The following NEK11 variants were observed in gnomAD, a reference collection of about 807,000 sequenced individuals.
The protein encoded by NEK11 is serine/threonine-protein kinase Nek11.
In NEK11, 72 loss-of-function variants were observed where a neutral mutation model predicts 80.7. That is an observed-to-expected ratio of 0.89 (90% CI 0.74 to 1.08). The LOEUF (loss-of-function observed/expected upper bound fraction) is 1.08. Among genes scored for constraint, NEK11 ranks in the 50% least tolerant of loss-of-function variants. NEK11 has a pLI of 0.00. For missense variants in NEK11, 764 were observed against 763.6 expected (o/e 1.00, Z -0.01); for synonymous variants, 251 against 260.7 (o/e 0.96, Z 0.36).
chr3:131,264,932 C>T (rs577875059), intron 16 of NEK11, among the ~76,000 whole-genome samples: 92 of 152,290 alleles, frequency 6.0e-4, no homozygotes, highest in African/African-American at 2.0e-3. Flanking sequence ...TCCTTCACAT[C>T]CCTTGAAAGT....
intron 16 of NEK11, among the ~76,000 whole-genome samples, chr3:131,246,504 A>G (rs749703177): frequency 7.9e-5 from 12 of 152,050 alleles, no homozygotes; most frequent in Non-Finnish European, 1.5e-4. Flanking sequence ...CATTTTCTTT[A>G]TCCACTCATT....
At chr3:131,097,645 T>G (rs78960355) in intron 4 of NEK11, among the ~76,000 whole-genome samples, 1 of 151,994 alleles carries the variant, frequency 6.6e-6, no homozygotes, top group Non-Finnish European at 1.5e-5. Flanking sequence ...CACTGCTCAA[T>G]GAAATAAAAG....
At position 131,133,289 on chromosome 3, in the gene NEK11, C is replaced by A. The variant is rs142834653; in HGVS notation, c.520+480C>A. On this transcript the variant is annotated intron_variant, in intron 6 of 17. Coordinates refer to ENST00000383366, the MANE Select transcript of NEK11 (RefSeq NM_024800.5). ...CTCCTCATAACAGCTACTGGATCATCTAATCATCATATAGGGTGTACTTGG... is the reference window on the plus strand; with the variant it reads ...CTCCTCATAACAGCTACTGGATCATATAATCATCATATAGGGTGTACTTGG... The A allele has an allele frequency of 9.0e-4, 411 of 455,442 alleles. 1 individual carries two copies. Among genetic ancestry groups the A allele is most frequent in the African/African-American group, 7.4e-3 (369 of 50,110 alleles). 28.2% of individuals were successfully genotyped at this position (455,442 alleles called of 1,614,324 possible). A position where few individuals can be genotyped will look rare whatever the true frequency, so the allele number is the denominator to read the frequency against.
At chr3:131,289,086 G>A (rs773319923) in intron 17 of NEK11, among the ~76,000 whole-genome samples, 1 of 152,148 alleles carries the variant, frequency 6.6e-6, no homozygotes, top group Non-Finnish European at 1.5e-5. Context: ...TATATTTTCT[G>A]ACAGTTTTGA....
intron 14 of NEK11, among the ~76,000 whole-genome samples, chr3:131,220,220 G>A (rs1051962729): frequency 6.6e-6 from 1 of 152,072 alleles, no homozygotes; most frequent in South Asian, 2.1e-4. Flanking sequence ...ATGTCTGTGT[G>A]TCTTCTCAAA....
rs557129915 is a variant in NEK11 at position 131,094,815 on chromosome 3, G to A, written c.336+14227G>A. 1.3e-3 allele frequency among the ~76,000 whole-genome samples: 199 copies of A among 152,254 alleles called. 2 individuals carry two copies. The highest frequency in any genetic ancestry group is 2.2e-3 in the Non-Finnish European group (147 of 68,028). On this transcript the variant is annotated intron_variant, in intron 4 of 17. Coordinates refer to ENST00000383366, the MANE Select transcript of NEK11 (RefSeq NM_024800.5). Reference sequence around the variant, plus strand: ...TTTTATTGTCTTGTCAAAATTATGGGTTTGACAAACCAGACAGTGGTTATA... The same window carrying A: ...TTTTATTGTCTTGTCAAAATTATGGATTTGACAAACCAGACAGTGGTTATA...
At chr3:131,286,612 C>A (rs1435060221) in intron 17 of NEK11, among the ~76,000 whole-genome samples, 1 of 152,158 alleles carries the variant, frequency 6.6e-6, no homozygotes. Context: ...CCAGGTACTA[C>A]AGGCTAAGCA....
intron 3 of NEK11, among the ~76,000 whole-genome samples, chr3:131,043,325 A>T (rs2109748452): frequency 6.6e-6 from 1 of 152,322 alleles, no homozygotes; most frequent in African/African-American, 2.4e-5. Flanking sequence ...GAGCTAAAGG[A>T]GCGTGTTCTA....
chr3:131,104,712 T>C (rs546942074), intron 4 of NEK11, among the ~76,000 whole-genome samples: 2 of 152,276 alleles, frequency 1.3e-5, no homozygotes, highest in South Asian at 4.1e-4. Context: ...TGTAGGGCTA[T>C]GGCAGCTGGC....
intron 14 of NEK11, among the ~76,000 whole-genome samples, chr3:131,192,156 T>C (rs1013179193): frequency 6.6e-6 from 1 of 152,084 alleles, no homozygotes; most frequent in African/African-American, 2.4e-5. Context: ...CCAAAGAAGA[T>C]ATACAGATGG....
chr3:131,295,048 T>C (rs2096579603), intron 17 of NEK11, among the ~76,000 whole-genome samples: 1 of 152,204 alleles, frequency 6.6e-6, no homozygotes, highest in Non-Finnish European at 1.5e-5. Flanking sequence ...TTTCTGTCTT[T>C]TAATTGGTAC....
chr3:131,229,106 T>C (rs1485355492), intron 15 of NEK11, among the ~76,000 whole-genome samples: 1 of 152,202 alleles, frequency 6.6e-6, no homozygotes, highest in African/African-American at 2.4e-5. Flanking sequence ...ATAAAATTTG[T>C]AAAGACTGAC....
chr3:131,216,216 C>G (rs2094828582), intron 14 of NEK11, among the ~76,000 whole-genome samples: 1 of 152,150 alleles, frequency 6.6e-6, no homozygotes, highest in Non-Finnish European at 1.5e-5. Context: ...TGGAAAGCAT[C>G]AGAAAAATAA....
chr3:131,173,267 A>C (rs999959501), intron 14 of NEK11, among the ~76,000 whole-genome samples: 4 of 152,136 alleles, frequency 2.6e-5, no homozygotes, highest in African/African-American at 9.7e-5. Flanking sequence ...GAGGTCCAAG[A>C]ACCCTCTCTT....
intron 3 of NEK11, among the ~76,000 whole-genome samples, chr3:131,054,231 G>T (rs1345604008): frequency 6.6e-6 from 1 of 152,120 alleles, no homozygotes; most frequent in Non-Finnish European, 1.5e-5. Flanking sequence ...GCTACTCTGG[G>T]GGCTGAGTTG....
intron 17 of NEK11, among the ~76,000 whole-genome samples, chr3:131,288,450 C>CTTT (rs71133693): frequency 1.7e-5 from 2 of 115,366 alleles, no homozygotes; most frequent in Non-Finnish European, 3.7e-5. Context: ...TTCTTTCTTT[C>CTTT]TTTTTTTTTT....
At chr3:131,230,823 A>T (rs1364644822) in intron 15 of NEK11, among the ~76,000 whole-genome samples, 1 of 152,166 alleles carries the variant, frequency 6.6e-6, no homozygotes, top group African/African-American at 2.4e-5. Flanking sequence ...TGTAGCTCCC[A>T]TAATTCCCAT....
intron 5 of NEK11, among the ~76,000 whole-genome samples, chr3:131,123,122 T>C (rs2149485947): frequency 6.6e-6 from 1 of 152,330 alleles, no homozygotes; most frequent in African/African-American, 2.4e-5. Flanking sequence ...GATAAAATTA[T>C]GCTGGCTCAT....
chr3:131,071,864 C>T (rs1476319798), intron 3 of NEK11, among the ~76,000 whole-genome samples: 1 of 152,076 alleles, frequency 6.6e-6, no homozygotes, highest in African/African-American at 2.4e-5. Context: ...TAACTGCTTT[C>T]TAAGTAAGTA....
Sources: gnomAD v4.1 joint callset for allele counts (sites outside exome capture counted in the v4.1 genomes callset) on GRCh38, gnomAD v4.1.1 for gene constraint, MANE v1.5 for transcripts, NCBI Gene and HGNC (gene_info 2026-07-23, HGNC 2026-07-21) for gene names.